PDXK: variants seen among roughly 807,000 people sequenced by gnomAD.
The protein encoded by PDXK is epididymis secretory sperm binding protein Li 1a.
PDXK carries 15 observed loss-of-function variants against 43.2 expected under a neutral mutation model. That is an observed-to-expected ratio of 0.35 (90% CI 0.23 to 0.53). The LOEUF (loss-of-function observed/expected upper bound fraction) is 0.53. Ranked by LOEUF, PDXK falls within the 20% of genes least tolerant of loss-of-function variation. PDXK has a pLI of 0.92. For synonymous variants in PDXK, 172 were observed against 165.4 expected, an observed-to-expected ratio of 1.04 and a Z score of -0.31; for missense variants, 343 against 417.0, an observed-to-expected ratio of 0.82 and a Z score of 1.54.
At chr21:43,740,660 G>C (rs1345580443) in intron 2 of PDXK, among the ~76,000 whole-genome samples, 1 of 152,022 alleles carries the variant, frequency 6.6e-6, no homozygotes, top group Non-Finnish European at 1.5e-5. Context: ...GGAAGCCGAC[G>C]CGTCTGTCCT....
At chr21:43,722,263 G>T (rs1172565723) in intron 1 of PDXK, among the ~76,000 whole-genome samples, 2 of 152,192 alleles carry the variant, frequency 1.3e-5, no homozygotes, top group Non-Finnish European at 2.9e-5. Context: ...TTCTTCCAGG[G>T]CTGGGAGGTT....
intron 5 of PDXK, 132 bp from the exon 6 acceptor site, chr21:43,748,863 G>A: frequency 1.5e-6 from 1 of 652,178 alleles, no homozygotes; most frequent in Non-Finnish European, 2.7e-6. Flanking sequence ...CTACAGTCGG[G>A]GGGCCTGGCC....
rs904500989 is a variant in PDXK at position 43,741,788 on chromosome 21, G to C, written c.247+17G>C. 14 of 1,530,834 alleles carry C rather than the reference G, an allele frequency of 9.1e-6. No individual in the cohort carries two copies. Among genetic ancestry groups the C allele is most frequent in the African/African-American group, 1.4e-5 (1 of 73,454 alleles). The allele number at this position is 1,530,834 out of a possible 1,614,324, so 94.8% of individuals were successfully genotyped here. A position where few individuals can be genotyped will look rare whatever the true frequency, so the allele number is the denominator to read the frequency against. ...TGCTCACAGGTAGGTGCCGGAGCAAGCTGCCGCAGGGGACTACGCACCCCA... is the reference window on the plus strand; with the variant it reads ...TGCTCACAGGTAGGTGCCGGAGCAACCTGCCGCAGGGGACTACGCACCCCA... On this transcript the variant is annotated intron_variant, in intron 3 of 10. Coordinates refer to ENST00000291565, the MANE Select transcript of PDXK (RefSeq NM_003681.5).
intron 7 of PDXK, among the ~76,000 whole-genome samples, chr21:43,752,045 C>A (rs1028643649): frequency 1.3e-5 from 2 of 152,266 alleles, no homozygotes; most frequent in African/African-American, 4.8e-5. Context: ...AGTCAGCTGA[C>A]CCTGGAGCAG....
Position 43,737,342 on chromosome 21 carries a change from T to G in PDXK, c.142+3219T>G. 3 of 1,320,822 alleles carry G rather than the reference T, an allele frequency of 2.3e-6. No individual in the cohort carries two copies. The allele number at this position is 1,320,822 out of a possible 1,614,324, so 81.8% of individuals were successfully genotyped here. The stretch of plus-strand genomic sequence containing the variant: ...GCCCCTTCCCCCGGCCAGGCCCCCG[T>G]TCCTTGAGGCCGTACCACAAGGTGC... On this transcript the variant is annotated intron_variant, in intron 2 of 10. Coordinates refer to ENST00000291565, the MANE Select transcript of PDXK (RefSeq NM_003681.5). The surrounding 1 kb of genome is among the most constrained non-coding windows in gnomAD (Gnocchi z 4.8).
intron 9 of PDXK, 84 bp downstream of exon 9, chr21:43,753,803 C>A: frequency 6.9e-7 from 1 of 1,442,390 alleles, no homozygotes; most frequent in South Asian, 1.4e-5. Flanking sequence ...GGTGGGGGGT[C>A]CCTGCTGAGC....
chr21:43,755,497 G>A, intron 9 of PDXK: 1 of 595,124 alleles, frequency 1.7e-6, no homozygotes, highest in Non-Finnish European at 3.0e-6. Context: ...CCGGGCATCT[G>A]CTCAGCCCTC....
chr21:43,741,865 G>C (rs2083539608), intron 3 of PDXK, 94 bp downstream of exon 3: 1 of 796,576 alleles, frequency 1.3e-6, no homozygotes, highest in Non-Finnish European at 2.1e-6. Flanking sequence ...CCCTGGGCCT[G>C]TCTCGGGTCC....
intron 7 of PDXK, among the ~76,000 whole-genome samples, chr21:43,751,359 G>A (rs931815911): frequency 1.3e-5 from 2 of 152,136 alleles, no homozygotes; most frequent in African/African-American, 4.8e-5. Flanking sequence ...GACCAGCCTG[G>A]CCAACATGGT....
intron 2 of PDXK, among the ~76,000 whole-genome samples, chr21:43,739,775 C>G (rs2083462061): frequency 6.6e-6 from 1 of 151,784 alleles, no homozygotes; most frequent in Admixed American, 6.6e-5. Flanking sequence ...GCCATGTCAC[C>G]TCCCCAGGAA....
intron 1 of PDXK, among the ~76,000 whole-genome samples, chr21:43,724,512 C>T (rs567251557): frequency 6.6e-6 from 1 of 152,044 alleles, no homozygotes; most frequent in African/African-American, 2.4e-5. Context: ...CTTGAGGGCC[C>T]TCAAGTCAGG....
In PDXK at chr21:43,728,574, C is replaced by T. The variant is rs117204364; in HGVS notation, c.88-5495C>T. On this transcript the variant is annotated intron_variant, in intron 1 of 10. Transcript: ENST00000291565. ...GGAGGAGGAGGAGGATCAGCTGAGC[C>T]GCCGCGCTCACGTAGTGTCTGGCTG... Among the ~76,000 whole-genome samples, 1,031 of 152,284 alleles carry T rather than the reference C, an allele frequency of 6.8e-3. 8 individuals carry two copies. The highest frequency in any genetic ancestry group is 0.014 in the Middle Eastern group (4 of 294).
At chr21:43,748,782 G>A (rs906846612) in intron 5 of PDXK, among the ~76,000 whole-genome samples, 1 of 152,100 alleles carries the variant, frequency 6.6e-6, no homozygotes, top group Non-Finnish European at 1.5e-5. Context: ...TCGGCCCCTC[G>A]GAGCACTTAG....
chr21:43,748,903 G>A, intron 5 of PDXK, 92 bp from the exon 6 acceptor site: 1 of 755,104 alleles, frequency 1.3e-6, no homozygotes. Context: ...GGGCTTTTGG[G>A]GGAGCACTCC....
rs2018381 is a variant in PDXK at position 43,760,172 on chromosome 21, T to G, written c.*4109T>G. 0.55 allele frequency: 83,777 copies of G among 151,824 alleles called. 23,995 individuals are homozygous for G. The highest frequency in any genetic ancestry group is 0.7 in the East Asian group (3,556 of 5,096). The allele number at this position is 151,824 out of a possible 1,614,324, so 9.4% of individuals were successfully genotyped here. On this transcript the variant is annotated 3_prime_UTR_variant, in exon 11 of 11. Coordinates refer to ENST00000291565, the MANE Select transcript of PDXK (RefSeq NM_003681.5). ...GGAGGTGGGAATCTTGGATTTTTTG[T>G]TTTTTTTTGTTTTTTTTTTTTTGAG...
intron 3 of PDXK, among the ~76,000 whole-genome samples, chr21:43,742,164 A>G (rs73224936): frequency 0.022 from 3,336 of 152,160 alleles, 61 homozygotes; most frequent in Non-Finnish European, 0.032. Context: ...AAAAAATTGT[A>G]TTTGTATACA....
Position 43,728,988 on chromosome 21 carries a change from G to A in PDXK, c.88-5081G>A, listed in dbSNP as rs925563283. 7.1e-6 allele frequency: 7 copies of A among 985,552 alleles called. No homozygotes were observed. The African/African-American group carries it at 1.2e-4, about 17-fold the overall frequency. 61.1% of individuals were successfully genotyped at this position (985,552 alleles called of 1,614,324 possible). On this transcript the variant is annotated intron_variant, in intron 1 of 10. Transcript: ENST00000291565. The stretch of plus-strand genomic sequence containing the variant: ...ATCTGACTGGCTTTCTCTCTCGGCA[G>A]GAGACGGGGCGCACGCCTGCAGGTG...
At chr21:43,720,541 T>C (rs1018876108) in intron 1 of PDXK, among the ~76,000 whole-genome samples, 1 of 152,136 alleles carries the variant, frequency 6.6e-6, no homozygotes, top group African/African-American at 2.4e-5. Context: ...TTGGGAAGGA[T>C]GCGGTGCTTC....
intron 5 of PDXK, among the ~76,000 whole-genome samples, 183 bp downstream of exon 5, chr21:43,746,308 G>C (rs1446259966): frequency 6.6e-6 from 1 of 152,232 alleles, no homozygotes; most frequent in African/African-American, 2.4e-5. Context: ...GTGCCTGACG[G>C]TAGATAAATA....
Sources: gnomAD v4.1 joint callset for allele counts (sites outside exome capture counted in the v4.1 genomes callset) on GRCh38, gnomAD v4.1.1 for gene constraint, Gnocchi (gnomAD v3.1) non-coding constraint, MANE v1.5 for transcripts, NCBI Gene and HGNC (gene_info 2026-07-23, HGNC 2026-07-21) for gene names.